The following ARHGAP28 variants were observed in gnomAD, a reference collection of about 807,000 sequenced individuals.
The protein encoded by ARHGAP28 is Rho GTPase activating protein 28.
ARHGAP28 carries 56 observed loss-of-function variants against 90.7 expected under a neutral mutation model. That is an observed-to-expected ratio of 0.62 (90% confidence interval 0.50 to 0.77). The LOEUF (loss-of-function observed/expected upper bound fraction) is 0.77. Among genes scored for constraint, ARHGAP28 ranks in the 30% least tolerant of loss-of-function variants. The probability of loss-of-function intolerance (pLI) is 0.00; values close to 1 mark genes in which losing one functional copy is unlikely to be tolerated. For missense variants in ARHGAP28, 869 were observed against 900.9 expected (o/e 0.96, Z 0.45); for synonymous variants, 308 against 323.3 (o/e 0.95, Z 0.51).
At chr18:6,831,192 A>C (rs960786917) in intron 2 of ARHGAP28, among the ~76,000 whole-genome samples, 6 of 152,020 alleles carry the variant, frequency 3.9e-5, no homozygotes, top group African/African-American at 1.4e-4. Context: ...ATGATGTTGA[A>C]CTTTTTTCTT....
At chr18:6,769,853 G>A (rs190777187) in intron 1 of ARHGAP28, among the ~76,000 whole-genome samples, 2 of 152,290 alleles carry the variant, frequency 1.3e-5, no homozygotes, top group African/African-American at 4.8e-5. Context: ...CTTGCCCACA[G>A]CAATTTGGAA....
intron 1 of ARHGAP28, among the ~76,000 whole-genome samples, chr18:6,756,950 G>A (rs2056115606): frequency 6.6e-6 from 1 of 152,110 alleles, no homozygotes; most frequent in Non-Finnish European, 1.5e-5. Flanking sequence ...GCCCACCCAC[G>A]TTGAGGGTGG....
rs1567983026 is a variant in ARHGAP28 at position 6,887,142 on chromosome 18, C to CT, written c.1454-14dup. ...GGCTATTTAAAATGTATGACTATTT[C>CT]TGTTTTCTTGTTAGGAGGGCCTCAC... On this transcript the variant is annotated splice_polypyrimidine_tract_variant and intron_variant, in intron 11 of 17. Transcript: ENST00000383472. The CT allele has an allele frequency of 1.2e-6, 2 of 1,610,418 alleles. No individual in the cohort carries two copies.
intron 3 of ARHGAP28, among the ~76,000 whole-genome samples, chr18:6,842,086 C>T (rs892429000): frequency 1.1e-4 from 16 of 152,136 alleles, no homozygotes; most frequent in African/African-American, 3.6e-4. Flanking sequence ...TGATGGCTGA[C>T]ACCTGTAATC....
chr18:6,790,219 A>T (rs2056397505), intron 1 of ARHGAP28: 1 of 152,180 alleles, frequency 6.6e-6, no homozygotes. Context: ...AAGTTGTCTA[A>T]AATTATTTTC....
At chr18:6,791,080 A>G (rs1674004853) in intron 1 of ARHGAP28, 1 of 152,328 alleles carries the variant, frequency 6.6e-6, no homozygotes, top group Middle Eastern at 3.4e-3. Context: ...ATATATATAT[A>G]TAAAGGGGAG....
rs149113854 is a variant in ARHGAP28 at position 6,895,776 on chromosome 18, C to T, written c.1906-726C>T. Among the ~76,000 whole-genome samples the T allele has an allele frequency of 4.0e-3, 616 of 152,220 alleles. 2 individuals are homozygous for T. Among genetic ancestry groups the T allele is most frequent in the Middle Eastern group, 0.01 (3 of 294 alleles). On this transcript the variant is annotated intron_variant, in intron 15 of 17. Transcript: ENST00000383472. Reference sequence around the variant, plus strand: ...CCTATTTCCAAATAAGGTCACGTTTCGAGGTATTGGGGGGTTAGGGCTTCA... The same window carrying T: ...CCTATTTCCAAATAAGGTCACGTTTTGAGGTATTGGGGGGTTAGGGCTTCA...
At chr18:6,834,867 G>A (rs1489762076) in intron 2 of ARHGAP28, among the ~76,000 whole-genome samples, 3 of 152,162 alleles carry the variant, frequency 2.0e-5, no homozygotes, top group Admixed American at 6.5e-5. Context: ...GGTGGGTTTC[G>A]TGTGTTGAAA....
chr18:6,807,186 G>A (rs2056525071), intron 1 of ARHGAP28, among the ~76,000 whole-genome samples: 1 of 152,022 alleles, frequency 6.6e-6, no homozygotes, highest in Admixed American at 6.6e-5. Flanking sequence ...TTTTCTTTGT[G>A]TTTTCTTAAG....
At chr18:6,737,047 A>T (rs2055935142) in intron 1 of ARHGAP28, among the ~76,000 whole-genome samples, 1 of 152,166 alleles carries the variant, frequency 6.6e-6, no homozygotes, top group South Asian at 2.1e-4. Context: ...CCATGTTCTT[A>T]TTTCTCAACC....
chr18:6,883,228 G>T (rs752918933), intron 11 of ARHGAP28, among the ~76,000 whole-genome samples: 1 of 141,324 alleles, frequency 7.1e-6, no homozygotes, highest in South Asian at 2.3e-4. Flanking sequence ...ATTTGAGAGT[G>T]TCAGGCACTA....
At chr18:6,762,371 G>A (rs4486987) in intron 1 of ARHGAP28, among the ~76,000 whole-genome samples, 149,601 of 152,318 alleles carry the variant, frequency 0.98, 73,518 homozygotes, top group East Asian at 1. Flanking sequence ...ACATGGCCTG[G>A]TTTGCCACCA....
intron 17 of ARHGAP28, among the ~76,000 whole-genome samples, chr18:6,909,290 C>CTT (rs2057382373): frequency 1.9e-5 from 1 of 53,476 alleles, no homozygotes; most frequent in Non-Finnish European, 5.3e-5. Context: ...CTTTTCTTTT[C>CTT]TTTTCTTTTC....
Position 6,890,550 on chromosome 18 carries a change from C to G in ARHGAP28, c.1848+7C>G. On this transcript the variant is annotated splice_region_variant and intron_variant, in intron 14 of 17. Coordinates refer to ENST00000383472, the MANE Select transcript of ARHGAP28 (RefSeq NM_001366230.1). ...GAAGACCCTCGAGCGGGAGGTAAGA[C>G]AGCAAATGAGGCATGGCGATTGTCC... 6.3e-7 allele frequency: 1 copy of G among 1,582,126 alleles called. No homozygotes were observed.
chr18:6,895,188 G>A (rs1172681909), intron 15 of ARHGAP28, among the ~76,000 whole-genome samples: 9 of 152,100 alleles, frequency 5.9e-5, no homozygotes, highest in Admixed American at 5.9e-4. Flanking sequence ...GGCTTCTGGG[G>A]AGCTGGATGA....
intron 16 of ARHGAP28, among the ~76,000 whole-genome samples, chr18:6,905,025 A>G (rs2057357695): frequency 6.6e-6 from 1 of 152,146 alleles, no homozygotes. Context: ...AGTCTTTTCT[A>G]GAAAATAGAA....
intron 5 of ARHGAP28, among the ~76,000 whole-genome samples, chr18:6,861,410 T>A (rs987417946): frequency 1.3e-5 from 2 of 152,154 alleles, no homozygotes; most frequent in Non-Finnish European, 2.9e-5. Context: ...TTTATTCCCT[T>A]CAAATTCATC....
At chr18:6,898,267 A>T in intron 16 of ARHGAP28, 2 of 473,584 alleles carry the variant, frequency 4.2e-6, no homozygotes, top group Non-Finnish European at 7.5e-6. Flanking sequence ...AGTGACCAGG[A>T]AGGCATGCTG....
chr18:6,742,612 T>C lies in ARHGAP28; in HGVS notation c.122+12669T>C, dbSNP rs540488332. ...TTGTGGGATAATTAAGTGTATATGCTCAGCAGACAGGTGGCTATACAAGTT... is the reference window on the plus strand; with the variant it reads ...TTGTGGGATAATTAAGTGTATATGCCCAGCAGACAGGTGGCTATACAAGTT... On this transcript the variant is annotated intron_variant, in intron 1 of 17. Coordinates refer to ENST00000383472, the MANE Select transcript of ARHGAP28 (RefSeq NM_001366230.1). Among the ~76,000 whole-genome samples the C allele has an allele frequency of 1.1e-4, 17 of 152,276 alleles. No homozygotes were observed. The East Asian group carries it at 3.3e-3, about 29-fold the overall frequency.
Sources: allele counts gnomAD v4.1 joint callset (sites outside exome capture counted in the v4.1 genomes callset), GRCh38; gene constraint gnomAD v4.1.1; transcripts MANE v1.5; gene names NCBI Gene and HGNC (gene_info 2026-07-23, HGNC 2026-07-21).